The following TANC2 variants were observed in gnomAD, a reference collection of about 807,000 sequenced individuals.
TANC2 encodes protein TANC2.
Under a neutral mutation model 210.5 loss-of-function variants are expected in TANC2, and 26 were observed. The observed-to-expected ratio is 0.12, with a 90% CI of 0.09 to 0.17. The LOEUF (loss-of-function observed/expected upper bound fraction) is 0.17. Ranked by LOEUF, TANC2 falls within the 10% of genes least tolerant of loss-of-function variation. The probability of loss-of-function intolerance (pLI) is 1.00; values close to 1 mark genes in which losing one functional copy is unlikely to be tolerated. For missense variants in TANC2, 2,129 were observed against 2,608.9 expected (o/e 0.82, Z 4.01); for synonymous variants, 931 against 967.1 (o/e 0.96, Z 0.69).
rs144049705 is a variant in TANC2, at chr17:63,399,561, A to G, written c.3331+647A>G. Among the ~76,000 whole-genome samples the G allele has an allele frequency of 2.6e-5, 4 of 152,338 alleles. No homozygotes were observed. In the South Asian group the frequency reaches 6.2e-4, roughly 24 times the overall value. The stretch of plus-strand genomic sequence containing the variant: ...TGATTGTTGTCTTCCCTCCAAGTCT[A>G]AACTGCAGCATCTGGAGAAACATTA... On this transcript the variant is annotated intron_variant, in intron 19 of 27. Transcript: ENST00000689528.
At chr17:63,188,692 T>C (rs571577038) in intron 5 of TANC2, among the ~76,000 whole-genome samples, 14 of 152,196 alleles carry the variant, frequency 9.2e-5, no homozygotes, top group Non-Finnish European at 1.6e-4. Flanking sequence ...TTATGTAAAA[T>C]GTTACCTTTG....
chr17:63,265,830 A>G (rs993300382), intron 8 of TANC2, among the ~76,000 whole-genome samples: 1 of 152,092 alleles, frequency 6.6e-6, no homozygotes, highest in African/African-American at 2.4e-5. Context: ...TCCCTTTAAA[A>G]TAAAAGCCAT....
intron 2 of TANC2, among the ~76,000 whole-genome samples, chr17:63,038,881 T>G (rs1171664773): frequency 1.3e-5 from 2 of 152,196 alleles, no homozygotes; most frequent in African/African-American, 2.4e-5. Context: ...TTTAGATTTG[T>G]CTTTTTAAAG....
intron 1 of TANC2, among the ~76,000 whole-genome samples, chr17:62,982,139 T>G (rs1286688434): frequency 2.0e-5 from 3 of 152,204 alleles, no homozygotes; most frequent in Non-Finnish European, 4.4e-5. Flanking sequence ...ATTATGTGGC[T>G]GGGTTCTCTA....
chr17:63,236,715 AT>A (rs1037490115), intron 7 of TANC2, among the ~76,000 whole-genome samples: 5 of 151,444 alleles, frequency 3.3e-5, no homozygotes, highest in Admixed American at 6.6e-5. Context: ...ATATGTGCAC[AT>A]TTTTTTTAGC....
chr17:63,222,308 A>G (rs2042215363), intron 7 of TANC2, among the ~76,000 whole-genome samples: 3 of 152,212 alleles, frequency 2.0e-5, no homozygotes. Context: ...CATACAGACC[A>G]TAGCAGCTGA....
intron 19 of TANC2, among the ~76,000 whole-genome samples, chr17:63,400,786 G>A (rs2048319658): frequency 6.6e-6 from 1 of 151,492 alleles, no homozygotes; most frequent in Admixed American, 6.6e-5. Flanking sequence ...TGGGATTACA[G>A]GCGTGCACCA....
intron 5 of TANC2, among the ~76,000 whole-genome samples, chr17:63,175,699 CT>C (rs2040556139): frequency 6.6e-6 from 1 of 152,014 alleles, no homozygotes; most frequent in Non-Finnish European, 1.5e-5. Flanking sequence ...AAGTTTTGTT[CT>C]TCAAAATACA....
At chr17:63,054,156 T>C (rs2035683302) in intron 2 of TANC2, among the ~76,000 whole-genome samples, 2 of 152,338 alleles carry the variant, frequency 1.3e-5, no homozygotes, top group East Asian at 1.9e-4. Flanking sequence ...ACTTGTTTCA[T>C]TGAATTATTA....
intron 14 of TANC2, among the ~76,000 whole-genome samples, chr17:63,373,987 T>C (rs1315083493): frequency 1.4e-5 from 2 of 138,848 alleles, no homozygotes; most frequent in African/African-American, 5.0e-5. Flanking sequence ...TCTCAAAAAA[T>C]AATTATTATT....
intron 1 of TANC2, among the ~76,000 whole-genome samples, chr17:62,990,004 C>G (rs1032736709): frequency 6.6e-6 from 1 of 152,054 alleles, no homozygotes; most frequent in Non-Finnish European, 1.5e-5. Flanking sequence ...CTCTTGAACT[C>G]CTGACCTCGT....
chr17:63,147,596 C>T (rs899350825), intron 4 of TANC2, among the ~76,000 whole-genome samples: 1 of 152,140 alleles, frequency 6.6e-6, no homozygotes, highest in South Asian at 2.1e-4. Flanking sequence ...GTGTCTGACC[C>T]AGCTTATCTG....
intron 1 of TANC2, among the ~76,000 whole-genome samples, chr17:62,971,324 G>A (rs886268755): frequency 1.3e-5 from 2 of 152,058 alleles, no homozygotes; most frequent in African/African-American, 2.4e-5. Flanking sequence ...GCTGCCCTTC[G>A]CTTTCCCTTT....
intron 9 of TANC2, among the ~76,000 whole-genome samples, chr17:63,281,839 G>A (rs1332095004): frequency 6.6e-6 from 1 of 152,088 alleles, no homozygotes; most frequent in Non-Finnish European, 1.5e-5. Context: ...ATGTGAATTT[G>A]GAGGCAGAAG....
chr17:63,013,628 G>T (rs576506514), intron 2 of TANC2, among the ~76,000 whole-genome samples: 9 of 152,100 alleles, frequency 5.9e-5, no homozygotes, highest in Middle Eastern at 3.4e-3. Flanking sequence ...CAGACGTGTT[G>T]GCACATGCCT....
chr17:63,015,042 C>A (rs918741758), intron 2 of TANC2, among the ~76,000 whole-genome samples: 6 of 151,694 alleles, frequency 4.0e-5, no homozygotes, highest in Non-Finnish European at 5.9e-5. Flanking sequence ...TTTTCCTTAA[C>A]CCTTAATGAA....
chr17:63,052,054 G>A (rs1004777824), intron 2 of TANC2, among the ~76,000 whole-genome samples: 2 of 152,164 alleles, frequency 1.3e-5, no homozygotes, highest in African/African-American at 4.8e-5. Context: ...ACAGAAGAGA[G>A]AAGTTCTTTC....
chr17:63,386,923 G>T (rs933203590), intron 15 of TANC2, among the ~76,000 whole-genome samples: 9 of 152,096 alleles, frequency 5.9e-5, no homozygotes, highest in Admixed American at 5.9e-4. Context: ...CACGATCACT[G>T]CTCACCACAG....
intron 9 of TANC2, among the ~76,000 whole-genome samples, chr17:63,307,955 C>A (rs887770543): frequency 6.6e-6 from 1 of 152,062 alleles, no homozygotes; most frequent in African/African-American, 2.4e-5. Context: ...TTAGTAGAGA[C>A]GGGGTTTCAC....
Sources: allele counts gnomAD v4.1 joint callset (sites outside exome capture counted in the v4.1 genomes callset), GRCh38; gene constraint gnomAD v4.1.1; transcripts MANE v1.5; gene names NCBI Gene and HGNC (gene_info 2026-07-23, HGNC 2026-07-21).